Variants in DOCK3 observed in about 807,000 individuals in gnomAD.
The protein encoded by DOCK3 is dedicator of cytokinesis 3.
In DOCK3, 60 loss-of-function variants were observed where a neutral mutation model predicts 265.6. The observed-to-expected ratio is 0.23, with a 90% CI of 0.18 to 0.28. The LOEUF is 0.28. Ranked by LOEUF, DOCK3 falls within the 10% of genes least tolerant of loss-of-function variation. DOCK3 has a pLI of 1.00. For missense variants in DOCK3, 1,981 were observed against 2,594.3 expected (o/e 0.76, Z 5.14); for synonymous variants, 881 against 938.0 (o/e 0.94, Z 1.11).
intron 1 of DOCK3, among the ~76,000 whole-genome samples, chr3:50,743,099 A>AT (rs1369111183): frequency 6.6e-6 from 1 of 151,856 alleles, no homozygotes; most frequent in Non-Finnish European, 1.5e-5. Context: ...ACTAAGCTTC[A>AT]TAAGTGAAGG....
intron 35 of DOCK3, among the ~76,000 whole-genome samples, chr3:51,334,850 G>T (rs191292381): frequency 6.6e-6 from 1 of 152,300 alleles, no homozygotes; most frequent in African/African-American, 2.4e-5. Context: ...TTCTTTAGCT[G>T]CCTTCTACAA....
chr3:51,013,949 G>A (rs971281713), intron 5 of DOCK3, among the ~76,000 whole-genome samples: 4 of 152,180 alleles, frequency 2.6e-5, no homozygotes, highest in East Asian at 3.9e-4. Context: ...GTAAGGCTTC[G>A]TAGGCGTGGG....
At chr3:51,255,369 A>G (rs1371111778) in intron 22 of DOCK3, among the ~76,000 whole-genome samples, 1 of 152,134 alleles carries the variant, frequency 6.6e-6, no homozygotes, top group Admixed American at 6.5e-5. Context: ...CTCGAGGAGT[A>G]TCTTTATGGT....
At chr3:50,724,279 C>T (rs2037671748) in intron 1 of DOCK3, among the ~76,000 whole-genome samples, 1 of 152,204 alleles carries the variant, frequency 6.6e-6, no homozygotes, top group African/African-American at 2.4e-5. Context: ...CTGTGGAAGA[C>T]TGTGTGGCAA....
At chr3:51,079,641 C>T (rs2082162138) in intron 7 of DOCK3, among the ~76,000 whole-genome samples, 1 of 152,124 alleles carries the variant, frequency 6.6e-6, no homozygotes, top group African/African-American at 2.4e-5. Context: ...GCCTGAACCA[C>T]CATACTTAGC....
At chr3:51,188,920 C>T (rs925378548) in intron 12 of DOCK3, among the ~76,000 whole-genome samples, 3 of 152,046 alleles carry the variant, frequency 2.0e-5, no homozygotes, top group Non-Finnish European at 4.4e-5. Flanking sequence ...TCAGATATCC[C>T]TTTGACATAT....
chr3:50,751,697 C>A (rs2039820454), intron 1 of DOCK3, among the ~76,000 whole-genome samples: 1 of 152,116 alleles, frequency 6.6e-6, no homozygotes, highest in Non-Finnish European at 1.5e-5. Flanking sequence ...AGTCCATTCA[C>A]ATACTGCTAT....
At chr3:51,084,715 TA>T (rs1004510304) in intron 7 of DOCK3, among the ~76,000 whole-genome samples, 2 of 151,822 alleles carry the variant, frequency 1.3e-5, no homozygotes, top group East Asian at 1.9e-4. Context: ...ATTACCATCA[TA>T]AAAAAACCAC....
chr3:51,159,471 G>T (rs1461945155), intron 11 of DOCK3, among the ~76,000 whole-genome samples, 167 bp downstream of exon 11: 1 of 152,072 alleles, frequency 6.6e-6, no homozygotes, highest in Non-Finnish European at 1.5e-5. Context: ...TGCTATGGTA[G>T]CTTGGTTTGA....
Position 51,365,931 on chromosome 3 carries a change from T to C in DOCK3, c.5293+3257T>C, listed in dbSNP as rs367889730. Among the ~76,000 whole-genome samples the C allele has an allele frequency of 3.3e-5, 5 of 152,244 alleles. No homozygotes were observed. The South Asian group carries it at 8.3e-4, about 25-fold the overall frequency. ...TTTTTGCATTGATGTTCATCAGGGA[T>C]ATTGGTCTAAAATTCTCTTTTTTTG... is the stretch of plus-strand genomic sequence containing the variant. On this transcript the variant is annotated intron_variant, in intron 49 of 52. Coordinates refer to ENST00000266037, the MANE Select transcript of DOCK3 (RefSeq NM_004947.5).
chr3:50,881,077 G>A (rs2047995588), intron 3 of DOCK3, among the ~76,000 whole-genome samples: 1 of 152,078 alleles, frequency 6.6e-6, no homozygotes, highest in Admixed American at 6.6e-5. Context: ...AAATTCAACA[G>A]CCCTTCATAA....
chr3:51,368,003 T>G (rs1449987678), intron 49 of DOCK3, among the ~76,000 whole-genome samples: 1 of 152,192 alleles, frequency 6.6e-6, no homozygotes. Flanking sequence ...ATCTTTGTGG[T>G]GTTCTCTGTA....
intron 1 of DOCK3, among the ~76,000 whole-genome samples, chr3:50,741,891 A>T (rs1278099137): frequency 1.3e-5 from 2 of 152,198 alleles, no homozygotes; most frequent in Non-Finnish European, 2.9e-5. Context: ...AGTCCCACCA[A>T]CAGTGTAAAA....
At chr3:50,794,725 T>G (rs1465507575) in intron 2 of DOCK3, among the ~76,000 whole-genome samples, 1 of 152,214 alleles carries the variant, frequency 6.6e-6, no homozygotes, top group Non-Finnish European at 1.5e-5. Context: ...TTATCCTGTT[T>G]ACATTCAGGG....
At chr3:51,326,766 C>A (rs1377787867) in intron 32 of DOCK3, among the ~76,000 whole-genome samples, 1 of 151,740 alleles carries the variant, frequency 6.6e-6, no homozygotes. Context: ...GGATTACAGG[C>A]GTGCACCACC....
chr3:51,165,630 C>T (rs530690308), intron 12 of DOCK3, among the ~76,000 whole-genome samples: 2 of 152,224 alleles, frequency 1.3e-5, no homozygotes, highest in South Asian at 2.1e-4. Context: ...TGGCAACCAC[C>T]GTTCTACTCT....
chr3:50,987,496 ATTAC>A (rs1398491798), intron 5 of DOCK3, among the ~76,000 whole-genome samples: 2 of 152,328 alleles, frequency 1.3e-5, no homozygotes, highest in East Asian at 3.9e-4. Flanking sequence ...GTTACTTTTT[ATTAC>A]TTACTATTTG....
intron 4 of DOCK3, among the ~76,000 whole-genome samples, chr3:50,906,735 T>G (rs957594084): frequency 3.3e-5 from 5 of 151,944 alleles, no homozygotes; most frequent in African/African-American, 1.2e-4. Flanking sequence ...TTTGAAGGGT[T>G]TTTTTGTATC....
intron 2 of DOCK3, among the ~76,000 whole-genome samples, chr3:50,792,781 A>G (rs898987199): frequency 6.6e-6 from 1 of 152,176 alleles, no homozygotes; most frequent in Admixed American, 6.5e-5. Flanking sequence ...CCAGGGATAA[A>G]TTGGTCATAG....
Sources: allele counts gnomAD v4.1 joint callset (sites outside exome capture counted in the v4.1 genomes callset), GRCh38; gene constraint gnomAD v4.1.1; transcripts MANE v1.5; gene names NCBI Gene and HGNC (gene_info 2026-07-23, HGNC 2026-07-21).